Variants in PDLIM5 observed in about 807,000 individuals in gnomAD.
The protein encoded by PDLIM5 is PDZ and LIM domain protein 5.
In PDLIM5, 34 loss-of-function variants were observed where a neutral mutation model predicts 64.2. The observed-to-expected ratio is 0.53, with a 90% CI of 0.40 to 0.71. PDLIM5 has a LOEUF of 0.71. PDLIM5 is among the 30% of genes least tolerant of loss of function. The pLI, the probability that PDLIM5 is intolerant of heterozygous loss-of-function variation, is 0.00. For missense variants in PDLIM5, 683 were observed against 733.6 expected (o/e 0.93, Z 0.80); for synonymous variants, 253 against 269.1 (o/e 0.94, Z 0.59).
Position 94,615,312 on chromosome 4 carries a change from A to ATT in PDLIM5, c.921-2691_921-2690insTT, listed in dbSNP as rs1448496407. 3.3e-5 allele frequency among the ~76,000 whole-genome samples: 5 copies of ATT among 152,222 alleles called. No homozygotes were observed. In the East Asian group the frequency reaches 9.6e-4, roughly 29 times the overall value. On this transcript the variant is annotated intron_variant, in intron 7 of 12. Transcript: ENST00000317968. ...AGCTATTACAAATCAGCATAAAATTATATGCCATGCAGTTAACGAATGTCC... is the reference window on the plus strand; with the variant it reads ...AGCTATTACAAATCAGCATAAAATTATTTATGCCATGCAGTTAACGAATGTCC...
intron 5 of PDLIM5, among the ~76,000 whole-genome samples, chr4:94,576,895 G>A (rs190561049): frequency 8.9e-4 from 135 of 151,712 alleles, no homozygotes; most frequent in Non-Finnish European, 1.5e-3. Context: ...TAACACTTTC[G>A]GTTCAAATAT....
At chr4:94,556,404 C>T (rs188527060) in intron 3 of PDLIM5, among the ~76,000 whole-genome samples, 1 of 152,132 alleles carries the variant, frequency 6.6e-6, no homozygotes, top group Non-Finnish European at 1.5e-5. Flanking sequence ...GATTTATAAT[C>T]CTTTGGTTAT....
At chr4:94,461,263 G>A (rs1723854756) in intron 2 of PDLIM5, among the ~76,000 whole-genome samples, 1 of 152,142 alleles carries the variant, frequency 6.6e-6, no homozygotes, top group Admixed American at 6.5e-5. Context: ...AAAATATTGA[G>A]TACGTGACAT....
At chr4:94,621,029 C>A (rs1182969570) in intron 8 of PDLIM5, among the ~76,000 whole-genome samples, 1 of 135,308 alleles carries the variant, frequency 7.4e-6, no homozygotes, top group African/African-American at 2.7e-5. Context: ...CAAGATGGTG[C>A]CACTACACTC....
chr4:94,622,031 G>A (rs1053745104), intron 8 of PDLIM5, among the ~76,000 whole-genome samples: 5 of 152,088 alleles, frequency 3.3e-5, no homozygotes, highest in South Asian at 2.1e-4. Context: ...CAGTTATTAC[G>A]TTGTGGCAAA....
At chr4:94,455,198 T>C in intron 1 of PDLIM5, 49 bp from the exon 2 acceptor site, 1 of 728,182 alleles carries the variant, frequency 1.4e-6, no homozygotes, top group Non-Finnish European at 2.4e-6. Flanking sequence ...ATTTATGTTC[T>C]AGGGTTTCAA....
intron 2 of PDLIM5, among the ~76,000 whole-genome samples, chr4:94,505,102 A>C (rs1306623798): frequency 6.6e-6 from 1 of 152,178 alleles, no homozygotes; most frequent in Non-Finnish European, 1.5e-5. Flanking sequence ...ACATGTGGGG[A>C]TATTTCCCCA....
intron 7 of PDLIM5, chr4:94,610,369 C>T: frequency 9.5e-7 from 1 of 1,054,102 alleles, no homozygotes; most frequent in Non-Finnish European, 1.3e-6. Context: ...TTACAAGTCA[C>T]CTCAAAGAAA....
chr4:94,666,945 A>G lies in PDLIM5; in HGVS notation c.*2878A>G, dbSNP rs919520115. ...CTCTGTTTCCCTTGGGGAATGCCAT[A>G]TTTAATTCACCAGCAGTAATCCTTT... On this transcript the variant is annotated 3_prime_UTR_variant, in exon 13 of 13. Transcript: ENST00000317968. The G allele has an allele frequency of 6.6e-6, 1 of 152,180 alleles. No individual in the cohort carries two copies. Among genetic ancestry groups the G allele is most frequent in the Non-Finnish European group, 1.5e-5 (1 of 68,030 alleles). 9.4% of individuals were successfully genotyped at this position (152,180 alleles called of 1,614,324 possible).
intron 2 of PDLIM5, among the ~76,000 whole-genome samples, chr4:94,520,443 G>A (rs1269430993): frequency 6.6e-6 from 1 of 152,090 alleles, no homozygotes; most frequent in Non-Finnish European, 1.5e-5. Flanking sequence ...ATTCAGACCT[G>A]AAAAACAGTG....
chr4:94,531,301 A>G (rs1354396952), intron 3 of PDLIM5, among the ~76,000 whole-genome samples: 1 of 152,184 alleles, frequency 6.6e-6, no homozygotes, highest in South Asian at 2.1e-4. Context: ...AGGAGTGGGA[A>G]AGAGGACAAA....
At chr4:94,617,375 TATG>T (rs1738862580) in intron 7 of PDLIM5, among the ~76,000 whole-genome samples, 1 of 152,156 alleles carries the variant, frequency 6.6e-6, no homozygotes, top group Non-Finnish European at 1.5e-5. Context: ...TTCCCTTTAT[TATG>T]AATGCATAAC....
chr4:94,630,730 G>A (rs1740081212), intron 8 of PDLIM5, among the ~76,000 whole-genome samples: 2 of 151,962 alleles, frequency 1.3e-5, no homozygotes, highest in Non-Finnish European at 2.9e-5. Flanking sequence ...TGAGAATGAA[G>A]TATTATAGGA....
rs1163008328 is a variant in PDLIM5, at chr4:94,659,494, A to ATGTGTGTG, written c.1585+1985_1585+1992dup. ...GAGCAGCTGTAGTATATATGTGTGT[A>ATGTGTGTG]TGTGTGTGTGTGTGTGTGTGTGTGT... On this transcript the variant is annotated intron_variant, in intron 11 of 12. Transcript: ENST00000317968. Among the ~76,000 whole-genome samples, 85 of 109,098 alleles carry ATGTGTGTG rather than the reference A, an allele frequency of 7.8e-4. 1 individual carries two copies. Among genetic ancestry groups the ATGTGTGTG allele is most frequent in the African/African-American group, 2.5e-3 (74 of 29,294 alleles). 71.6% of individuals were successfully genotyped at this position (109,098 alleles called of 152,430 possible). A position where few individuals can be genotyped will look rare whatever the true frequency, so the allele number is the denominator to read the frequency against.
chr4:94,526,086 A>G (rs1578309585), intron 3 of PDLIM5, among the ~76,000 whole-genome samples: 1 of 152,242 alleles, frequency 6.6e-6, no homozygotes, highest in Non-Finnish European at 1.5e-5. Context: ...TACACATTCT[A>G]AAACTGAAAG....
Position 94,665,481 on chromosome 4 carries a change from TAAAAA to T in PDLIM5, c.*1435_*1439del, listed in dbSNP as rs10706955. On this transcript the variant is annotated 3_prime_UTR_variant, in exon 13 of 13. Coordinates refer to ENST00000317968, the MANE Select transcript of PDLIM5 (RefSeq NM_006457.5). ...GGTGACAGAGCAAGACTCCGGCTCT[TAAAAA>T]AAAAAAAAAAAAAAAAAAAAGAGAG... 5.1e-3 allele frequency: 2,303 copies of T among 447,604 alleles called. 1 individual carries two copies. Among genetic ancestry groups the T allele is most frequent in the South Asian group, 6.3e-3 (64 of 10,170 alleles). The allele number at this position is 447,604 out of a possible 1,614,324, so 27.7% of individuals were successfully genotyped here. A position where few individuals can be genotyped will look rare whatever the true frequency, so the allele number is the denominator to read the frequency against.
intron 2 of PDLIM5, among the ~76,000 whole-genome samples, chr4:94,467,372 C>T (rs1036438686): frequency 6.9e-5 from 10 of 145,036 alleles, no homozygotes; most frequent in Non-Finnish European, 1.2e-4. Context: ...TGGAGTGTGG[C>T]GGCATAATCT....
At chr4:94,480,022 C>T (rs2126104999) in intron 2 of PDLIM5, among the ~76,000 whole-genome samples, 1 of 152,276 alleles carries the variant, frequency 6.6e-6, no homozygotes, top group East Asian at 1.9e-4. Flanking sequence ...AGAGCTAAAG[C>T]TCATTTAGTA....
chr4:94,496,022 A>G (rs1341438841), intron 2 of PDLIM5, among the ~76,000 whole-genome samples: 2 of 152,012 alleles, frequency 1.3e-5, no homozygotes, highest in South Asian at 2.1e-4. Context: ...GGGACTTCAC[A>G]GTCAGCTTCA....
Sources: allele counts gnomAD v4.1 joint callset (sites outside exome capture counted in the v4.1 genomes callset), GRCh38; gene constraint gnomAD v4.1.1; transcripts MANE v1.5; gene names NCBI Gene and HGNC (gene_info 2026-07-23, HGNC 2026-07-21).